Variants in LRP1B observed in about 807,000 individuals in gnomAD.
LRP1B encodes low-density lipoprotein receptor-related protein 1B.
Under a neutral mutation model 556.6 loss-of-function variants are expected in LRP1B, and 217 were observed. The observed-to-expected ratio is 0.39, with a 90% CI of 0.35 to 0.44. LRP1B has a LOEUF of 0.44. Ranked by LOEUF, LRP1B falls within the 20% of genes least tolerant of loss-of-function variation. LRP1B has a pLI of 1.00. For missense variants in LRP1B, 5,053 were observed against 5,620.8 expected (o/e 0.90, Z 3.23); for synonymous variants, 2,047 against 1,865.8 (o/e 1.10, Z -2.50).
intron 41 of LRP1B, among the ~76,000 whole-genome samples, chr2:140,651,257 A>G (rs1684671012): frequency 6.7e-6 from 1 of 149,870 alleles, no homozygotes; most frequent in African/African-American, 2.5e-5. Context: ...CAAGAACAAA[A>G]AACCAAACAC....
At chr2:141,780,004 A>G (rs1695199424) in intron 2 of LRP1B, among the ~76,000 whole-genome samples, 1 of 150,712 alleles carries the variant, frequency 6.6e-6, no homozygotes, top group Non-Finnish European at 1.5e-5. Context: ...ATGCTTCACA[A>G]TATTTCTAGA....
chr2:141,583,822 T>C (rs77397926), intron 2 of LRP1B, among the ~76,000 whole-genome samples: 67,100 of 151,124 alleles, frequency 0.44, 15,320 homozygotes, highest in East Asian at 0.71. Context: ...TCACTGCAAC[T>C]TCTGCCCCCC....
In LRP1B at chr2:141,643,694, T is replaced by C. The variant is rs568980209; in HGVS notation, c.206-163161A>G. Among the ~76,000 whole-genome samples the C allele has an allele frequency of 2.6e-5, 4 of 152,278 alleles. No individual in the cohort carries two copies. In the South Asian group the frequency reaches 6.2e-4, roughly 24 times the overall value. ...GGATCAAAGAGGAGTGCATTAGTCA[T>C]TGAATTCATATTTCTAATTTTACAA... On this transcript the variant is annotated intron_variant, in intron 2 of 90. Transcript: ENST00000389484.
chr2:140,274,381 G>T lies in LRP1B; in HGVS notation c.13142+43C>A, dbSNP rs746226861. ...TTATTACTGAACTGCAATGTCCATTGGTGTCCAAATGCTTTTATAAATTAA... is the reference window on the plus strand; with the variant it reads ...TTATTACTGAACTGCAATGTCCATTTGTGTCCAAATGCTTTTATAAATTAA... On this transcript the variant is annotated intron_variant, in intron 85 of 90. Transcript: ENST00000389484. 4.6e-6 allele frequency: 7 copies of T among 1,524,332 alleles called. No individual in the cohort carries two copies. The African/African-American group carries it at 9.6e-5, about 21-fold the overall frequency. 94.4% of individuals were successfully genotyped at this position (1,524,332 alleles called of 1,614,324 possible). A position where few individuals can be genotyped will look rare whatever the true frequency, so the allele number is the denominator to read the frequency against.
intron 1 of LRP1B, among the ~76,000 whole-genome samples, chr2:141,977,831 C>A (rs1422167544): frequency 2.0e-5 from 3 of 151,950 alleles, no homozygotes. Flanking sequence ...AACTTGAATG[C>A]CATATCAGAA....
intron 35 of LRP1B, among the ~76,000 whole-genome samples, chr2:140,727,570 A>C (rs2105489500): frequency 6.6e-6 from 1 of 152,320 alleles, no homozygotes; most frequent in South Asian, 2.1e-4. Flanking sequence ...CATTTGGATT[A>C]GATAAGATGT....
intron 7 of LRP1B, among the ~76,000 whole-genome samples, chr2:141,146,395 A>G (rs1231245224): frequency 6.6e-6 from 1 of 152,212 alleles, no homozygotes; most frequent in Non-Finnish European, 1.5e-5. Flanking sequence ...AGCACATTAT[A>G]TTGAAATAAT....
At chr2:142,038,100 G>A (rs1158051045) in intron 1 of LRP1B, among the ~76,000 whole-genome samples, 2 of 151,298 alleles carry the variant, frequency 1.3e-5, no homozygotes, top group South Asian at 4.2e-4. Flanking sequence ...ATTATTTAAA[G>A]CAACACTTTT....
At chr2:142,023,785 C>T (rs1247070788) in intron 1 of LRP1B, among the ~76,000 whole-genome samples, 3 of 152,130 alleles carry the variant, frequency 2.0e-5, no homozygotes, top group Non-Finnish European at 4.4e-5. Flanking sequence ...ATTGTCACAT[C>T]TTATATAAGT....
chr2:141,202,034 T>C (rs1301963119), intron 6 of LRP1B, among the ~76,000 whole-genome samples: 1 of 151,422 alleles, frequency 6.6e-6, no homozygotes, highest in Non-Finnish European at 1.5e-5. Flanking sequence ...TATGCCATGA[T>C]GGTTTGCCAC....
chr2:141,800,125 T>C (rs1695961717), intron 2 of LRP1B, among the ~76,000 whole-genome samples: 1 of 152,152 alleles, frequency 6.6e-6, no homozygotes, highest in East Asian at 1.9e-4. Context: ...TCAATTAAAA[T>C]CTGTTGTGTC....
chr2:141,164,231 C>T (rs1017878742), intron 7 of LRP1B, among the ~76,000 whole-genome samples: 10 of 151,794 alleles, frequency 6.6e-5, no homozygotes, highest in East Asian at 1.9e-4. Context: ...AAGAACTAAG[C>T]GTTCTGTGGA....
At chr2:140,678,239 C>T (rs1011365903) in intron 41 of LRP1B, among the ~76,000 whole-genome samples, 6 of 151,990 alleles carry the variant, frequency 3.9e-5, no homozygotes, top group Admixed American at 1.3e-4. Flanking sequence ...GTATGAAAGG[C>T]GTTTTAAGAT....
At chr2:140,581,225 G>A (rs1185870598) in intron 43 of LRP1B, among the ~76,000 whole-genome samples, 1 of 152,160 alleles carries the variant, frequency 6.6e-6, no homozygotes, top group Non-Finnish European at 1.5e-5. Context: ...ACACTTTAAC[G>A]AAGGTAACAT....
intron 2 of LRP1B, among the ~76,000 whole-genome samples, chr2:141,603,992 A>G (rs1687835200): frequency 6.6e-6 from 1 of 152,200 alleles, no homozygotes; most frequent in Non-Finnish European, 1.5e-5. Flanking sequence ...ATTGCATTAA[A>G]TCTTCCTAAT....
intron 80 of LRP1B, 79 bp from the exon 81 acceptor site, chr2:140,324,145 A>AAGGTT: frequency 1.2e-6 from 1 of 833,200 alleles, no homozygotes; most frequent in African/African-American, 1.7e-5. Context: ...CCAAGACGAT[A>AAGGTT]TTGAAAACCT....
At chr2:141,725,420 A>AG (rs1692993029) in intron 2 of LRP1B, among the ~76,000 whole-genome samples, 1 of 151,912 alleles carries the variant, frequency 6.6e-6, no homozygotes, top group South Asian at 2.1e-4. Flanking sequence ...AAAGGTCATC[A>AG]GAGATCAAAA....
At chr2:140,722,587 G>A (rs1234235149) in intron 35 of LRP1B, among the ~76,000 whole-genome samples, 1 of 152,136 alleles carries the variant, frequency 6.6e-6, no homozygotes, top group African/African-American at 2.4e-5. Flanking sequence ...AGTTCAACAT[G>A]CTTATCTACC....
chr2:140,872,388 T>TTTA (rs70991113), intron 25 of LRP1B, among the ~76,000 whole-genome samples: 1 of 132,172 alleles, frequency 7.6e-6, no homozygotes, highest in African/African-American at 2.7e-5. Context: ...TTTTTTTTTT[T>TTTA]ACTAAAGTAG....
Sources: allele counts gnomAD v4.1 joint callset (sites outside exome capture counted in the v4.1 genomes callset), GRCh38; gene constraint gnomAD v4.1.1; transcripts MANE v1.5; gene names NCBI Gene and HGNC (gene_info 2026-07-23, HGNC 2026-07-21).